The following FRMD4A variants were observed in gnomAD, a reference collection of about 807,000 sequenced individuals.
FRMD4A encodes FERM domain containing 4A.
In FRMD4A, 29 loss-of-function variants were observed where a neutral mutation model predicts 129.1. That is an observed-to-expected ratio of 0.22 (90% CI 0.17 to 0.31). The LOEUF is 0.31. Among genes scored for constraint, FRMD4A ranks in the 10% least tolerant of loss-of-function variants. The pLI, the probability that FRMD4A is intolerant of heterozygous loss-of-function variation, is 1.00. For missense variants in FRMD4A, 1,272 were observed against 1,375.8 expected (o/e 0.92, Z 1.19); for synonymous variants, 634 against 571.6 (o/e 1.11, Z -1.56).
At chr10:14,234,777 G>T (rs1161502016) in intron 2 of FRMD4A, among the ~76,000 whole-genome samples, 1 of 152,190 alleles carries the variant, frequency 6.6e-6, no homozygotes, top group Non-Finnish European at 1.5e-5. Context: ...TGTCTCTATG[G>T]TGGGCATTCA....
Position 13,884,174 on chromosome 10 carries a change from A to ACACTCACACACACTCACACACT in FRMD4A, c.46-25263_46-25262insAGTGTGTGAGTGTGTGTGAGTG, listed in dbSNP as rs769193704. Among the ~76,000 whole-genome samples the ACACTCACACACACTCACACACT allele has an allele frequency of 1.4e-4, 15 of 105,216 alleles. 1 individual carries two copies. Among genetic ancestry groups the ACACTCACACACACTCACACACT allele is most frequent in the African/African-American group, 4.3e-4 (12 of 28,020 alleles). 69.0% of individuals were successfully genotyped at this position (105,216 alleles called of 152,430 possible). On this transcript the variant is annotated intron_variant, in intron 2 of 24. Transcript: ENST00000357447. ...CACACTCTCACACACACACTCACAC[A>ACACTCACACACACTCACACACT]CTCACACACACACACACACACTCAC...
intron 2 of FRMD4A, among the ~76,000 whole-genome samples, chr10:14,064,580 T>A (rs1022020283): frequency 1.3e-5 from 2 of 152,172 alleles, no homozygotes; most frequent in African/African-American, 2.4e-5. Flanking sequence ...TGCTTATTTT[T>A]TTATTTATTT....
intron 13 of FRMD4A, among the ~76,000 whole-genome samples, chr10:13,702,940 G>A (rs1383050599): frequency 6.2e-5 from 9 of 146,134 alleles, no homozygotes; most frequent in African/African-American, 1.0e-4. Context: ...AAGCCAGAGC[G>A]TGAAAGAGCA....
intron 2 of FRMD4A, among the ~76,000 whole-genome samples, chr10:13,934,145 G>T (rs1429570018): frequency 3.3e-5 from 5 of 152,210 alleles, no homozygotes; most frequent in Admixed American, 3.3e-4. Context: ...ACAGCATTAA[G>T]GGTGGTGAGG....
intron 2 of FRMD4A, among the ~76,000 whole-genome samples, chr10:14,085,682 T>A (rs1808912023): frequency 6.6e-6 from 1 of 152,170 alleles, no homozygotes; most frequent in African/African-American, 2.4e-5. Flanking sequence ...ATGGCAACTA[T>A]CTTCCCATCT....
chr10:13,803,374 C>G (rs2093295944), intron 4 of FRMD4A, among the ~76,000 whole-genome samples: 1 of 152,248 alleles, frequency 6.6e-6, no homozygotes, highest in Non-Finnish European at 1.5e-5. Flanking sequence ...TTCTGTTGCC[C>G]AGGCTGGAGT....
intron 2 of FRMD4A, among the ~76,000 whole-genome samples, chr10:13,878,329 G>T (rs1413310987): frequency 6.6e-6 from 1 of 151,334 alleles, no homozygotes; most frequent in Non-Finnish European, 1.5e-5. Context: ...CTGCTTAAAA[G>T]CTGGCTGGGC....
intron 2 of FRMD4A, among the ~76,000 whole-genome samples, chr10:13,941,764 T>G (rs1214331378): frequency 6.6e-6 from 1 of 152,112 alleles, no homozygotes. Context: ...CTAAAAAAGG[T>G]GTGAATGGCT....
chr10:14,301,589 A>G (rs1183055748), intron 2 of FRMD4A, among the ~76,000 whole-genome samples: 1 of 152,258 alleles, frequency 6.6e-6, no homozygotes, highest in African/African-American at 2.4e-5. Context: ...TGGCCATTAC[A>G]AGAAACATTC....
intron 2 of FRMD4A, among the ~76,000 whole-genome samples, chr10:13,941,561 T>TCTCA (rs2095292796): frequency 6.6e-6 from 1 of 151,604 alleles, no homozygotes; most frequent in Non-Finnish European, 1.5e-5. Context: ...AAGAGAAGAG[T>TCTCA]CTCAGATCGT....
chr10:14,085,635 T>C (rs1005821131), intron 2 of FRMD4A, among the ~76,000 whole-genome samples: 8 of 152,146 alleles, frequency 5.3e-5, no homozygotes, highest in Non-Finnish European at 1.2e-4. Flanking sequence ...GAGGCCACCA[T>C]GCGCCAGAGA....
At chr10:13,899,533 C>A (rs2094796069) in intron 2 of FRMD4A, among the ~76,000 whole-genome samples, 1 of 152,170 alleles carries the variant, frequency 6.6e-6, no homozygotes. Flanking sequence ...GTGGCTCACA[C>A]CTGTAATTCC....
intron 2 of FRMD4A, among the ~76,000 whole-genome samples, chr10:14,032,539 A>T (rs1327200512): frequency 1.3e-5 from 2 of 152,212 alleles, no homozygotes; most frequent in African/African-American, 4.8e-5. Flanking sequence ...AACCGCAAGT[A>T]GCGCTATCCA....
At chr10:14,174,065 A>G (rs953529007) in intron 2 of FRMD4A, among the ~76,000 whole-genome samples, 36 of 152,072 alleles carry the variant, frequency 2.4e-4, no homozygotes, top group Admixed American at 1.5e-3. Flanking sequence ...TCCTCATGCC[A>G]GTTTCTGTCT....
intron 4 of FRMD4A, among the ~76,000 whole-genome samples, chr10:13,802,790 T>G (rs1344834134): frequency 6.6e-6 from 1 of 152,028 alleles, no homozygotes; most frequent in East Asian, 1.9e-4. Context: ...ATGAAATGCT[T>G]ATAGATGTTG....
intron 3 of FRMD4A, among the ~76,000 whole-genome samples, chr10:13,851,808 G>A (rs1371698901): frequency 6.6e-6 from 1 of 151,832 alleles, no homozygotes; most frequent in Non-Finnish European, 1.5e-5. Flanking sequence ...GCTGAGGCAG[G>A]AGAATCGCTT....
intron 15 of FRMD4A, among the ~76,000 whole-genome samples, chr10:13,690,633 G>A (rs1364202157): frequency 1.3e-5 from 2 of 152,194 alleles, no homozygotes; most frequent in Admixed American, 6.5e-5. Context: ...CTCGGGTTGA[G>A]TCATGGGGCT....
intron 5 of FRMD4A, among the ~76,000 whole-genome samples, chr10:13,792,189 A>C (rs2093016690): frequency 6.6e-6 from 1 of 152,050 alleles, no homozygotes; most frequent in Non-Finnish European, 1.5e-5. Context: ...TGGCTCTGTC[A>C]CTCATGGTGG....
intron 2 of FRMD4A, among the ~76,000 whole-genome samples, chr10:14,177,696 C>T (rs887279162): frequency 1.3e-5 from 2 of 152,192 alleles, no homozygotes; most frequent in African/African-American, 4.8e-5. Flanking sequence ...TTCTGAAAAA[C>T]TCCAACCATA....
Sources: allele counts gnomAD v4.1 joint callset (sites outside exome capture counted in the v4.1 genomes callset), GRCh38; gene constraint gnomAD v4.1.1; transcripts MANE v1.5; gene names NCBI Gene and HGNC (gene_info 2026-07-23, HGNC 2026-07-21).